MAGI2: variants seen among roughly 807,000 people sequenced by gnomAD.
MAGI2 encodes the protein membrane associated guanylate kinase, WW and PDZ domain containing 2.
In MAGI2, 35 loss-of-function variants were observed where a neutral mutation model predicts 133.3. That is an observed-to-expected ratio of 0.26 (90% CI 0.20 to 0.35). MAGI2 has a LOEUF of 0.35. MAGI2 is among the 10% of genes least tolerant of loss of function. MAGI2 has a pLI of 1.00. For missense variants in MAGI2, 1,636 were observed against 1,863.4 expected (o/e 0.88, Z 2.25); for synonymous variants, 729 against 710.6 (o/e 1.03, Z -0.41).
At chr7:78,104,091 G>C (rs1818440306) in intron 20 of MAGI2, among the ~76,000 whole-genome samples, 1 of 152,020 alleles carries the variant, frequency 6.6e-6, no homozygotes, top group Non-Finnish European at 1.5e-5. Flanking sequence ...GTAATTACTG[G>C]GGACCAAAAC....
chr7:78,029,718 G>A (rs569059086), intron 21 of MAGI2, among the ~76,000 whole-genome samples: 3 of 152,354 alleles, frequency 2.0e-5, no homozygotes, highest in African/African-American at 7.2e-5. Flanking sequence ...GCATGAAGAA[G>A]TGGTGTCTCT....
chr7:79,083,358 A>T lies in MAGI2; in HGVS notation c.302-76152T>A, dbSNP rs1372145419. ...TATTAGGTTGAGGGTATTCTCTTCT[A>T]TTTCTACTTTGTTTACAGTTGGGAC... On this transcript the variant is annotated intron_variant, in intron 1 of 21. Coordinates refer to ENST00000354212, the MANE Select transcript of MAGI2 (RefSeq NM_012301.4). Among the ~76,000 whole-genome samples the T allele has an allele frequency of 5.2e-5, 7 of 135,558 alleles. No homozygotes were observed. The East Asian group carries it at 6.7e-4, about 13-fold the overall frequency. 88.9% of individuals were successfully genotyped at this position (135,558 alleles called of 152,430 possible).
chr7:78,603,379 G>A lies in MAGI2; in HGVS notation c.538+23741C>T, dbSNP rs561780002. Among the ~76,000 whole-genome samples, 7 of 152,288 alleles carry A rather than the reference G, an allele frequency of 4.6e-5. No homozygotes were observed. In the South Asian group the frequency reaches 1.0e-3, roughly 23 times the overall value. On this transcript the variant is annotated intron_variant, in intron 3 of 21. Transcript: ENST00000354212. ...TGTTAGATGACTATCCTGAGGAAAC[G>A]TTTTCTAGGCTGGTAGCTCTGATGT...
At chr7:78,783,778 C>T (rs948971643) in intron 2 of MAGI2, among the ~76,000 whole-genome samples, 3 of 152,186 alleles carry the variant, frequency 2.0e-5, no homozygotes, top group African/African-American at 4.8e-5. Context: ...CTGACGAACA[C>T]CTGTGTACAT....
At chr7:78,704,820 G>A (rs1033799599) in intron 2 of MAGI2, among the ~76,000 whole-genome samples, 1 of 122,592 alleles carries the variant, frequency 8.2e-6, no homozygotes, top group Non-Finnish European at 1.6e-5. Flanking sequence ...TTACTCTGTT[G>A]CCCAGGCTGG....
In MAGI2 at chr7:79,191,402, C is replaced by CTTTTTTTTTTTT. The variant is rs71095386; in HGVS notation, c.302-184208_302-184197dup. 1.8e-3 allele frequency among the ~76,000 whole-genome samples: 41 copies of CTTTTTTTTTTTT among 22,336 alleles called. 5 individuals carry two copies. Among genetic ancestry groups the CTTTTTTTTTTTT allele is most frequent in the East Asian group, 6.1e-3 (4 of 656 alleles). The allele number at this position is 22,336 out of a possible 152,430, so 14.7% of individuals were successfully genotyped here. A position where few individuals can be genotyped will look rare whatever the true frequency, so the allele number is the denominator to read the frequency against. The stretch of plus-strand genomic sequence containing the variant: ...TCTTTTTTTCTTTTTCTTTTTCTTT[C>CTTTTTTTTTTTT]TTTTTTTTTTTTTTTTTTTTTTTTT... On this transcript the variant is annotated intron_variant, in intron 1 of 21. Coordinates refer to ENST00000354212, the MANE Select transcript of MAGI2 (RefSeq NM_012301.4).
At chr7:78,447,220 T>C (rs1268692907) in intron 6 of MAGI2, among the ~76,000 whole-genome samples, 2 of 152,070 alleles carry the variant, frequency 1.3e-5, no homozygotes, top group African/African-American at 4.8e-5. Flanking sequence ...ACAATAATTG[T>C]AAATATTTAT....
intron 2 of MAGI2, among the ~76,000 whole-genome samples, chr7:78,767,706 T>C (rs1299361474): frequency 6.6e-6 from 1 of 152,226 alleles, no homozygotes; most frequent in African/African-American, 2.4e-5. Context: ...AGAATTCAGT[T>C]AGAGTAAAAT....
chr7:79,188,767 A>T (rs577508193), intron 1 of MAGI2, among the ~76,000 whole-genome samples: 2 of 152,044 alleles, frequency 1.3e-5, no homozygotes, highest in East Asian at 3.9e-4. Context: ...ACATTAAATG[A>T]AAAATGTAAA....
intron 1 of MAGI2, among the ~76,000 whole-genome samples, chr7:79,375,148 C>G (rs1843298716): frequency 6.6e-6 from 1 of 152,000 alleles, no homozygotes; most frequent in East Asian, 1.9e-4. Flanking sequence ...AGAACTCTCA[C>G]TCTTTGTGTT....
At chr7:78,708,675 C>A (rs531898803) in intron 2 of MAGI2, among the ~76,000 whole-genome samples, 165 of 152,198 alleles carry the variant, frequency 1.1e-3, no homozygotes, top group Non-Finnish European at 2.1e-3. Context: ...CTAAGTGCAT[C>A]TTTAATAACA....
At chr7:78,356,420 A>G (rs1792087743) in intron 7 of MAGI2, among the ~76,000 whole-genome samples, 1 of 152,326 alleles carries the variant, frequency 6.6e-6, no homozygotes, top group South Asian at 2.1e-4. Context: ...CCACTGTAGT[A>G]TGACTATAAT....
intron 1 of MAGI2, among the ~76,000 whole-genome samples, chr7:79,200,392 C>T (rs1193352855): frequency 6.6e-6 from 1 of 151,030 alleles, no homozygotes; most frequent in Non-Finnish European, 1.5e-5. Flanking sequence ...CACTTATGCT[C>T]AGGAATTTGA....
At chr7:79,169,493 A>G (rs1393612043) in intron 1 of MAGI2, among the ~76,000 whole-genome samples, 1 of 152,102 alleles carries the variant, frequency 6.6e-6, no homozygotes, top group East Asian at 1.9e-4. Context: ...GTATCAACAC[A>G]GAAGATGGAG....
intron 1 of MAGI2, among the ~76,000 whole-genome samples, chr7:79,071,087 T>TACCTTTGGTCTTTGATGTTGGTG (rs1211383782): frequency 3.9e-5 from 6 of 152,234 alleles, no homozygotes; most frequent in African/African-American, 1.4e-4. Context: ...TGGATTTATC[T>TACCTTTGGTCTTTGATGTTGGTG]ACCTTTGGTC....
intron 2 of MAGI2, among the ~76,000 whole-genome samples, chr7:78,872,601 G>A (rs1403633933): frequency 6.7e-6 from 1 of 149,926 alleles, no homozygotes; most frequent in East Asian, 1.9e-4. Context: ...ATAAGACAAG[G>A]GTAACTGTCC....
chr7:78,515,830 C>T (rs1167729467), intron 4 of MAGI2, among the ~76,000 whole-genome samples: 3 of 148,960 alleles, frequency 2.0e-5, no homozygotes, highest in South Asian at 2.1e-4. Flanking sequence ...ACACGGGAAG[C>T]GGAGGTTTTG....
chr7:78,187,076 T>C (rs1354794020), intron 12 of MAGI2, among the ~76,000 whole-genome samples: 1 of 152,192 alleles, frequency 6.6e-6, no homozygotes, highest in Non-Finnish European at 1.5e-5. Context: ...GTGATGAATT[T>C]CATGTTAAGT....
chr7:78,332,975 C>T lies in MAGI2; in HGVS notation c.1408+10803G>A, dbSNP rs1423413651. On this transcript the variant is annotated intron_variant, in intron 9 of 21. Coordinates refer to ENST00000354212, the MANE Select transcript of MAGI2 (RefSeq NM_012301.4). ...ATTTATTTTCTGACTTTTAGAGAGA[C>T]CAAAATGTTTTCATTAGCACCTAAA... 4.6e-5 allele frequency among the ~76,000 whole-genome samples: 7 copies of T among 152,076 alleles called. No homozygotes were observed. The East Asian group carries it at 1.2e-3, about 25-fold the overall frequency.
Sources: allele counts gnomAD v4.1 joint callset (sites outside exome capture counted in the v4.1 genomes callset), GRCh38; gene constraint gnomAD v4.1.1; transcripts MANE v1.5; gene names NCBI Gene and HGNC (gene_info 2026-07-23, HGNC 2026-07-21).